Variants in IMMP2L observed in about 807,000 individuals in gnomAD.
IMMP2L encodes the protein mitochondrial inner membrane protease subunit 2.
IMMP2L carries 18 observed loss-of-function variants against 19.3 expected under a neutral mutation model. The ratio of observed to expected loss-of-function variants is 0.93; its 90% CI spans 0.64 to 1.38. The LOEUF is 1.38. Ranked by LOEUF, IMMP2L falls within the 40% of genes most tolerant of loss-of-function variation. The pLI, the probability that IMMP2L is intolerant of heterozygous loss-of-function variation, is 0.00. For missense variants in IMMP2L, 233 were observed against 218.2 expected (o/e 1.07, Z -0.43); for synonymous variants, 76 against 73.0 (o/e 1.04, Z -0.21).
intron 3 of IMMP2L, among the ~76,000 whole-genome samples, chr7:111,090,727 A>G (rs929460818): frequency 6.6e-6 from 1 of 152,180 alleles, no homozygotes; most frequent in Non-Finnish European, 1.5e-5. Context: ...TAAATAATGC[A>G]GTCATTGCTG....
intron 3 of IMMP2L, among the ~76,000 whole-genome samples, chr7:111,097,671 C>T (rs1012270807): frequency 2.0e-5 from 3 of 151,774 alleles, no homozygotes; most frequent in Non-Finnish European, 2.9e-5. Flanking sequence ...TTTACTGTAT[C>T]GCTATATTTA....
intron 3 of IMMP2L, among the ~76,000 whole-genome samples, chr7:111,214,243 C>G (rs188226315): frequency 2.1e-4 from 32 of 150,294 alleles, no homozygotes; most frequent in Admixed American, 6.0e-4. Flanking sequence ...AAATCAATCA[C>G]TTTGAGTCCT....
chr7:111,270,726 G>A (rs192886252), intron 3 of IMMP2L, among the ~76,000 whole-genome samples: 7 of 152,122 alleles, frequency 4.6e-5, no homozygotes, highest in Non-Finnish European at 7.4e-5. Context: ...TGAACGGTAC[G>A]TTTGAACTGA....
intron 4 of IMMP2L, among the ~76,000 whole-genome samples, chr7:110,956,032 A>G (rs553526069): frequency 6.6e-6 from 1 of 152,108 alleles, no homozygotes; most frequent in African/African-American, 2.4e-5. Flanking sequence ...GTTTGCTGGA[A>G]CCTAATATGA....
chr7:110,739,058 G>A (rs900849262), intron 5 of IMMP2L, among the ~76,000 whole-genome samples: 5 of 152,220 alleles, frequency 3.3e-5, no homozygotes, highest in Non-Finnish European at 7.4e-5. Flanking sequence ...ACTGCTAAAA[G>A]GAGCTCTAAA....
chr7:111,160,072 C>A (rs28477778), intron 3 of IMMP2L, among the ~76,000 whole-genome samples: 3,352 of 152,006 alleles, frequency 0.022, 124 homozygotes, highest in African/African-American at 0.077. Flanking sequence ...AAATTCTAAT[C>A]GTGGTTAAAA....
intron 3 of IMMP2L, among the ~76,000 whole-genome samples, chr7:111,041,043 C>A (rs1791845307): frequency 6.6e-6 from 1 of 152,184 alleles, no homozygotes; most frequent in East Asian, 1.9e-4. Context: ...TCTAGCTGTT[C>A]TGAGTTATCA....
intron 3 of IMMP2L, among the ~76,000 whole-genome samples, chr7:111,277,337 A>C (rs909393121): frequency 6.6e-6 from 1 of 152,124 alleles, no homozygotes; most frequent in Non-Finnish European, 1.5e-5. Flanking sequence ...AACACACACA[A>C]AAAAATGCTC....
chr7:111,513,778 C>T (rs748893278), intron 2 of IMMP2L, among the ~76,000 whole-genome samples: 9 of 151,804 alleles, frequency 5.9e-5, no homozygotes, highest in African/African-American at 1.5e-4. Flanking sequence ...TATATGAGTG[C>T]GTGTGGATAT....
At chr7:110,833,354 G>A (rs1375769656) in intron 5 of IMMP2L, among the ~76,000 whole-genome samples, 4 of 149,838 alleles carry the variant, frequency 2.7e-5, no homozygotes, top group African/African-American at 7.4e-5. Flanking sequence ...CAGGAGAATC[G>A]CTTGAACCTG....
rs1234971540 is a variant in IMMP2L, at chr7:111,123,159, T to A, written c.240-159594A>T. ...TGTACCTAGAGGAAAACAAACTTAC[T>A]GAACTGCCTGAAAAATGTCTGTCCG... On this transcript the variant is annotated intron_variant, in intron 3 of 5. Transcript: ENST00000405709. The surrounding 1 kb of genome is among the most constrained non-coding windows in gnomAD (Gnocchi z 6.4). The A allele has an allele frequency of 6.2e-7, 1 of 1,614,026 alleles. No individual in the cohort carries two copies. Among genetic ancestry groups the A allele is most frequent in the Admixed American group, 1.7e-5 (1 of 59,968 alleles).
intron 4 of IMMP2L, among the ~76,000 whole-genome samples, chr7:110,907,035 C>G (rs1285453318): frequency 6.6e-6 from 1 of 151,684 alleles, no homozygotes; most frequent in Non-Finnish European, 1.5e-5. Flanking sequence ...GGCCCTGCAG[C>G]AGCATTAGGC....
rs947938990 is a variant in IMMP2L, at chr7:110,989,455, G to A, written c.240-25890C>T. On this transcript the variant is annotated intron_variant, in intron 3 of 5. Coordinates refer to ENST00000405709, the MANE Select transcript of IMMP2L (RefSeq NM_032549.4). ...CCAGCAACTCGGGAGGCTGAGGTGG[G>A]AGGATCAGGTGAGCCTAGGAGGTCA... is the stretch of plus-strand genomic sequence containing the variant. Among the ~76,000 whole-genome samples the A allele has an allele frequency of 2.7e-5, 4 of 150,466 alleles. No homozygotes were observed. The East Asian group carries it at 7.9e-4, about 30-fold the overall frequency.
chr7:111,516,603 C>G (rs1381427221), intron 2 of IMMP2L, among the ~76,000 whole-genome samples: 1 of 152,020 alleles, frequency 6.6e-6, no homozygotes, highest in African/African-American at 2.4e-5. Context: ...GTTATTCTAT[C>G]ATGGGAAGTG....
chr7:111,505,886 G>C (rs1250795055), intron 2 of IMMP2L, among the ~76,000 whole-genome samples: 1 of 151,892 alleles, frequency 6.6e-6, no homozygotes. Context: ...CGAGTTAATG[G>C]GTGCAGCACA....
At chr7:111,234,879 TATA>T (rs1171285470) in intron 3 of IMMP2L, among the ~76,000 whole-genome samples, 5 of 152,104 alleles carry the variant, frequency 3.3e-5, no homozygotes, top group Non-Finnish European at 7.4e-5. Context: ...CTACTACTAT[TATA>T]ATTTTACTTC....
At chr7:110,922,425 C>A (rs1028421035) in intron 4 of IMMP2L, among the ~76,000 whole-genome samples, 1 of 151,962 alleles carries the variant, frequency 6.6e-6, no homozygotes, top group African/African-American at 2.4e-5. Flanking sequence ...TCTCAATAAA[C>A]CTAATTGAAA....
chr7:111,237,804 T>C (rs1397414280), intron 3 of IMMP2L, among the ~76,000 whole-genome samples: 1 of 152,056 alleles, frequency 6.6e-6, no homozygotes, highest in Admixed American at 6.6e-5. Context: ...TCAGTCACCT[T>C]AGCTCATGAG....
At chr7:110,683,260 G>T (rs1792860017) in intron 5 of IMMP2L, among the ~76,000 whole-genome samples, 1 of 151,962 alleles carries the variant, frequency 6.6e-6, no homozygotes, top group Admixed American at 6.6e-5. Context: ...CCTCTCAGTA[G>T]CTTAATTAAA....
Sources: allele counts gnomAD v4.1 joint callset (sites outside exome capture counted in the v4.1 genomes callset), GRCh38; gene constraint gnomAD v4.1.1; non-coding constraint Gnocchi (gnomAD v3.1); transcripts MANE v1.5; gene names NCBI Gene and HGNC (gene_info 2026-07-23, HGNC 2026-07-21).